The following ATP13A5 variants were observed in gnomAD, a reference collection of about 807,000 sequenced individuals.
The protein encoded by ATP13A5 is ATPase 13A5.
ATP13A5 carries 149 observed loss-of-function variants against 150.2 expected under a neutral mutation model. The ratio of observed to expected loss-of-function variants is 0.99; its 90% CI spans 0.87 to 1.14. The LOEUF (loss-of-function observed/expected upper bound fraction) is 1.14. Ranked by LOEUF, ATP13A5 falls within the 50% of genes most tolerant of loss-of-function variation. ATP13A5 has a pLI of 0.00. For missense variants in ATP13A5, 1,383 were observed against 1,449.3 expected, an observed-to-expected ratio of 0.95 and a Z score of 0.74; for synonymous variants, 497 against 522.2, an observed-to-expected ratio of 0.95 and a Z score of 0.66.
At chr3:193,293,960 A>G (rs1209240674) in intron 25 of ATP13A5, among the ~76,000 whole-genome samples, 2 of 152,078 alleles carry the variant, frequency 1.3e-5, no homozygotes, top group African/African-American at 2.4e-5. Context: ...GAATTTCACG[A>G]TCCCACCTTC....
In ATP13A5 at chr3:193,351,126, C is replaced by G; in HGVS notation, c.682G>C (p.Val228Leu). 6.2e-7 allele frequency: 1 copy of G among 1,613,788 alleles called. No homozygotes were observed. The highest frequency in any genetic ancestry group is 8.5e-7 in the Non-Finnish European group (1 of 1,179,754). ...WLSQGYIEYSVAIIILTVISI... is the reference protein window; with the variant it reads ...WLSQGYIEYSLAIIILTVISI... ...ATAACAGTCAAAATGATGATGGCCA[C>G]AGAGTATTCTATGTAACCTTGAGAC... The change falls in exon 7 of 30, where the codon GTG becomes CTG. Residue 228 changes from valine to leucine, a missense_variant. This residue lies in a region of ATP13A5 where 787 missense variants were observed against 771.9 expected (regional missense o/e 1.02). Transcript: ENST00000342358.
rs765045332 is a variant in ATP13A5, at chr3:193,354,108, A to G, written c.606+19T>C. ...CAGAAATCTATTTTTTCAAAAAAAA[A>G]AGAAAAGAAAACAGTTACCTGTTTA... On this transcript the variant is annotated intron_variant, in intron 6 of 29. Coordinates refer to ENST00000342358, the MANE Select transcript of ATP13A5 (RefSeq NM_198505.4). 1.3e-6 allele frequency: 2 copies of G among 1,587,830 alleles called. No individual in the cohort carries two copies. Among genetic ancestry groups the G allele is most frequent in the South Asian group, 1.2e-5 (1 of 85,604 alleles).
At chr3:193,293,436 G>C (rs1327411918) in intron 25 of ATP13A5, among the ~76,000 whole-genome samples, 1 of 151,978 alleles carries the variant, frequency 6.6e-6, no homozygotes, top group East Asian at 1.9e-4. Context: ...TATAGTGCAG[G>C]GTGTCTTGCA....
intron 3 of ATP13A5, among the ~76,000 whole-genome samples, 188 bp downstream of exon 3, chr3:193,363,048 C>T (rs1460307808): frequency 6.6e-6 from 1 of 152,116 alleles, no homozygotes; most frequent in East Asian, 1.9e-4. Flanking sequence ...GGGATCCGCC[C>T]ACATTGGCCT....
intron 7 of ATP13A5, among the ~76,000 whole-genome samples, chr3:193,349,600 C>T (rs1712484348): frequency 6.6e-6 from 1 of 151,562 alleles, no homozygotes; most frequent in African/African-American, 2.4e-5. Context: ...ATAAAGAGGC[C>T]CTTAATATAA....
Position 193,335,101 on chromosome 3 carries a change from TA to T in ATP13A5, c.944-3del. 6.2e-7 allele frequency: 1 copy of T among 1,613,392 alleles called. No individual in the cohort carries two copies. The highest frequency in any genetic ancestry group is 8.5e-7 in the Non-Finnish European group (1 of 1,179,440). On this transcript the variant is annotated splice_polypyrimidine_tract_variant and splice_region_variant and intron_variant, in intron 9 of 29. Transcript: ENST00000342358. ...TCTTTGTAACAGGTATACTTTCTCC[TA>T]AAGAGGATTGTATTTTGTTGAATCT...
At chr3:193,305,488 T>C in intron 23 of ATP13A5, 71 bp downstream of exon 23, 1 of 1,212,198 alleles carries the variant, frequency 8.2e-7, no homozygotes, top group Admixed American at 1.7e-5. Flanking sequence ...TAGCTTGTAG[T>C]TGAATTCTGT....
chr3:193,352,240 A>G lies in ATP13A5; in HGVS notation c.607-1039T>C, dbSNP rs1260420900. 5.3e-5 allele frequency among the ~76,000 whole-genome samples: 8 copies of G among 152,194 alleles called. No individual in the cohort carries two copies. The South Asian group carries it at 1.4e-3, about 28-fold the overall frequency. ...GGATATATTTTGTCCATTAAAAAAG[A>G]TTTTGTTCCTTAATGTTTCTTATTA... On this transcript the variant is annotated intron_variant, in intron 6 of 29. Transcript: ENST00000342358.
At chr3:193,352,041 A>C (rs1219424145) in intron 6 of ATP13A5, among the ~76,000 whole-genome samples, 1 of 152,212 alleles carries the variant, frequency 6.6e-6, no homozygotes, top group Non-Finnish European at 1.5e-5. Context: ...TATTTTTCTG[A>C]GAAAGTGTTC....
intron 6 of ATP13A5, among the ~76,000 whole-genome samples, chr3:193,353,828 T>C (rs532941958): frequency 2.6e-5 from 4 of 152,182 alleles, no homozygotes; most frequent in African/African-American, 9.6e-5. Flanking sequence ...ACCCAATGCA[T>C]GACATTTTGT....
chr3:193,349,735 A>G (rs932545330), intron 7 of ATP13A5, among the ~76,000 whole-genome samples: 4 of 152,114 alleles, frequency 2.6e-5, no homozygotes, highest in African/African-American at 9.7e-5. Context: ...AAAAATCGTA[A>G]ATATCAATAT....
At chr3:193,378,366 C>A (rs1713716652) in intron 1 of ATP13A5, among the ~76,000 whole-genome samples, 1 of 152,138 alleles carries the variant, frequency 6.6e-6, no homozygotes, top group Non-Finnish European at 1.5e-5. Context: ...GGGAGACACC[C>A]CACTGAGCAC....
intron 1 of ATP13A5, among the ~76,000 whole-genome samples, chr3:193,370,466 T>A (rs1266380020): frequency 6.6e-6 from 1 of 152,194 alleles, no homozygotes; most frequent in Admixed American, 6.5e-5. Flanking sequence ...AGTAGTTTGG[T>A]GCAGCAGTTA....
chr3:193,330,833 A>G (rs1429304315), intron 12 of ATP13A5, among the ~76,000 whole-genome samples: 1 of 152,228 alleles, frequency 6.6e-6, no homozygotes, highest in Non-Finnish European at 1.5e-5. Flanking sequence ...AGTCAGTCTA[A>G]GAAGTTACAT....
intron 9 of ATP13A5, among the ~76,000 whole-genome samples, chr3:193,339,297 T>C (rs1454235247): frequency 6.6e-6 from 1 of 152,206 alleles, no homozygotes; most frequent in Non-Finnish European, 1.5e-5. Flanking sequence ...CGTTTGCTCT[T>C]GCTTCTGTAG....
chr3:193,299,330 T>C (rs920899413), intron 24 of ATP13A5, 127 bp from the exon 25 acceptor site: 9 of 628,290 alleles, frequency 1.4e-5, no homozygotes, highest in Non-Finnish European at 1.9e-5. Flanking sequence ...AGGAAGAAAA[T>C]GACTAACCTA....
chr3:193,306,054 C>G lies in ATP13A5; in HGVS notation c.2569-386G>C, dbSNP rs146685184. On this transcript the variant is annotated intron_variant, in intron 22 of 29. Transcript: ENST00000342358. Reference sequence around the variant, plus strand: ...ACCTTCACCGTTTCAGTTCTTGTACCTGGTGGGAATCTTCATGAACAAAGG... The same window carrying G: ...ACCTTCACCGTTTCAGTTCTTGTACGTGGTGGGAATCTTCATGAACAAAGG... Among the ~76,000 whole-genome samples, 3 of 151,896 alleles carry G rather than the reference C, an allele frequency of 2.0e-5. No individual in the cohort carries two copies. The South Asian group carries it at 6.3e-4, about 32-fold the overall frequency.
chr3:193,278,621 G>A (rs1160023219), intron 28 of ATP13A5, among the ~76,000 whole-genome samples: 3 of 152,168 alleles, frequency 2.0e-5, no homozygotes, highest in African/African-American at 4.8e-5. Flanking sequence ...CTGGCAAAAT[G>A]TGGCCTATTC....
chr3:193,292,377 T>C (rs1426560497), intron 25 of ATP13A5, among the ~76,000 whole-genome samples: 2 of 152,160 alleles, frequency 1.3e-5, no homozygotes, highest in African/African-American at 2.4e-5. Flanking sequence ...TTCTCTCTCA[T>C]GCTCATTGTA....
Sources: gnomAD v4.1 joint callset for allele counts (sites outside exome capture counted in the v4.1 genomes callset) on GRCh38, gnomAD v4.1.1 for gene constraint, gnomAD v4.1.1 regional missense constraint, MANE v1.5 for transcripts, NCBI Gene and HGNC (gene_info 2026-07-23, HGNC 2026-07-21) for gene names.